Variants in MS4A4E observed in about 807,000 individuals in gnomAD.
MS4A4E encodes the protein putative membrane-spanning 4-domains subfamily A member 4E.
In MS4A4E, 23 loss-of-function variants were observed where a neutral mutation model predicts 13.3. The observed-to-expected ratio is 1.73, with a 90% CI of 1.25 to 2.45. The LOEUF (loss-of-function observed/expected upper bound fraction) is 2.45, where lower values mean the gene tolerates loss of function less well. Among genes scored for constraint, MS4A4E ranks in the 30% most tolerant of loss-of-function variants. The pLI, the probability that MS4A4E is intolerant of heterozygous loss-of-function variation, is 0.00. For synonymous variants in MS4A4E, 36 were observed against 45.6 expected, an observed-to-expected ratio of 0.79 and a Z score of 0.85; for missense variants, 144 against 131.2, an observed-to-expected ratio of 1.10 and a Z score of -0.48.
intron 5 of MS4A4E, chr11:60,209,243 T>C (rs1238702445): frequency 6.6e-6 from 1 of 152,212 alleles, no homozygotes; most frequent in Non-Finnish European, 1.5e-5. Flanking sequence ...TCCTGGATTA[T>C]TCAGGTGGGT....
In MS4A4E at chr11:60,200,947, G is replaced by T. The variant is rs1246543045; in HGVS notation, c.*596C>A. ...GACCCCTCCACCTCCCTCCCGGACGGGGCGGCTGGCCGGGTGGGGGGCTGA... is the reference window on the plus strand; with the variant it reads ...GACCCCTCCACCTCCCTCCCGGACGTGGCGGCTGGCCGGGTGGGGGGCTGA... On this transcript the variant is annotated 3_prime_UTR_variant, in exon 9 of 9. Transcript: ENST00000651255. Among the ~76,000 whole-genome samples, 23 of 147,866 alleles carry T rather than the reference G, an allele frequency of 1.6e-4. No homozygotes were observed. The highest frequency in any genetic ancestry group is 3.0e-4 in the Non-Finnish European group (20 of 66,510).
At chr11:60,229,405 T>G (rs1590724067) in intron 2 of MS4A4E, among the ~76,000 whole-genome samples, 2 of 152,342 alleles carry the variant, frequency 1.3e-5, no homozygotes, top group Admixed American at 1.3e-4. Flanking sequence ...CTATATTTAA[T>G]GTTCTTTCAC....
intron 3 of MS4A4E, among the ~76,000 whole-genome samples, chr11:60,220,375 G>A (rs925301082): frequency 5.9e-5 from 9 of 152,160 alleles, no homozygotes; most frequent in Admixed American, 5.2e-4. Flanking sequence ...TTTGGTAAAT[G>A]CCTTTTTCTC....
intron 7 of MS4A4E, among the ~76,000 whole-genome samples, 127 bp from the exon 8 acceptor site, chr11:60,205,085 G>A (rs1182779508): frequency 2.0e-5 from 3 of 152,012 alleles, no homozygotes; most frequent in African/African-American, 7.2e-5. Flanking sequence ...CCTATATACT[G>A]AGTTGGAAAA....
chr11:60,213,993 C>T (rs1342138347), intron 4 of MS4A4E, among the ~76,000 whole-genome samples: 3 of 152,068 alleles, frequency 2.0e-5, no homozygotes, highest in African/African-American at 7.2e-5. Context: ...CAACCTCCGC[C>T]TCCAGGGTTC....
At chr11:60,228,741 A>G (rs1247096294) in intron 2 of MS4A4E, 114 bp from the exon 3 acceptor site, 2 of 506,744 alleles carry the variant, frequency 3.9e-6, no homozygotes, top group South Asian at 3.8e-5. Flanking sequence ...TAGACAATGA[A>G]ATATTATTCA....
At chr11:60,203,054 T>C (rs972738547) in intron 8 of MS4A4E, among the ~76,000 whole-genome samples, 3 of 152,206 alleles carry the variant, frequency 2.0e-5, no homozygotes, top group African/African-American at 7.2e-5. Context: ...ACATTACTCT[T>C]ATACTTAGTA....
intron 6 of MS4A4E, chr11:60,206,589 G>A (rs1346703455): frequency 6.3e-6 from 1 of 159,538 alleles, no homozygotes; most frequent in Non-Finnish European, 1.4e-5. Context: ...TATTGGAGTT[G>A]GATTCTGGTA....
rs1276389236 is a variant in MS4A4E at position 60,228,566 on chromosome 11, T to C, written c.178+28A>G. 3 of 668,678 alleles carry C rather than the reference T, an allele frequency of 4.5e-6. No individual in the cohort carries two copies. In the Admixed American group the frequency reaches 6.6e-5, roughly 15 times the overall value. The allele number at this position is 668,678 out of a possible 1,614,324, so 41.4% of individuals were successfully genotyped here. A position where few individuals can be genotyped will look rare whatever the true frequency, so the allele number is the denominator to read the frequency against. On this transcript the variant is annotated intron_variant, in intron 3 of 8. Transcript: ENST00000651255. Reference sequence around the variant, plus strand: ...TTTCTTACAAAACTAAACATACTCTTACAATACAATATAGTAATCATACTT... The same window carrying C: ...TTTCTTACAAAACTAAACATACTCTCACAATACAATATAGTAATCATACTT...
intron 1 of MS4A4E, 43 bp downstream of exon 1, chr11:60,242,915 A>G (rs2084568426): frequency 5.6e-6 from 8 of 1,429,648 alleles, no homozygotes; most frequent in Non-Finnish European, 4.8e-6. Context: ...AATGAAACAA[A>G]CTATCAGTCC....
intron 3 of MS4A4E, among the ~76,000 whole-genome samples, chr11:60,217,847 A>T (rs2084216162): frequency 6.6e-6 from 1 of 152,190 alleles, no homozygotes; most frequent in Non-Finnish European, 1.5e-5. Flanking sequence ...TAACTGCACA[A>T]ATTGTACAGC....
intron 2 of MS4A4E, among the ~76,000 whole-genome samples, chr11:60,229,437 T>C (rs545851990): frequency 1.3e-5 from 2 of 152,312 alleles, no homozygotes; most frequent in East Asian, 3.9e-4. Flanking sequence ...TGTCACTGTT[T>C]TAATTCTATA....
chr11:60,232,458 C>T (rs934168087), intron 1 of MS4A4E, among the ~76,000 whole-genome samples: 1 of 152,190 alleles, frequency 6.6e-6, no homozygotes, highest in Non-Finnish European at 1.5e-5. Context: ...AAACACCTTT[C>T]TTCCATCACC....
chr11:60,230,176 C>T, intron 1 of MS4A4E, 105 bp from the exon 2 acceptor site: 2 of 1,238,944 alleles, frequency 1.6e-6, no homozygotes, highest in East Asian at 2.6e-5. Context: ...GGTCTACATT[C>T]CCCTCCAATA....
At chr11:60,231,387 T>A (rs964360100) in intron 1 of MS4A4E, among the ~76,000 whole-genome samples, 1 of 152,014 alleles carries the variant, frequency 6.6e-6, no homozygotes, top group Non-Finnish European at 1.5e-5. Flanking sequence ...AATGTAAGAA[T>A]GTAACCAAAA....
chr11:60,225,429 A>C (rs926693323), intron 3 of MS4A4E, among the ~76,000 whole-genome samples: 9 of 152,198 alleles, frequency 5.9e-5, no homozygotes, highest in African/African-American at 2.2e-4. Flanking sequence ...AAGGAATTAG[A>C]AAGCAATTAT....
At chr11:60,236,786 G>C (rs1454623648) in intron 1 of MS4A4E, among the ~76,000 whole-genome samples, 1 of 151,280 alleles carries the variant, frequency 6.6e-6, no homozygotes, top group Admixed American at 6.6e-5. Context: ...ACCCAGGCTG[G>C]AGTGCAGTGG....
intron 1 of MS4A4E, among the ~76,000 whole-genome samples, chr11:60,239,665 A>T (rs1451635797): frequency 6.6e-6 from 1 of 152,214 alleles, no homozygotes; most frequent in African/African-American, 2.4e-5. Context: ...GACTATGTAG[A>T]GGTGGGCCAA....
intron 3 of MS4A4E, among the ~76,000 whole-genome samples, chr11:60,226,880 A>C (rs2084350777): frequency 6.6e-6 from 1 of 152,202 alleles, no homozygotes; most frequent in East Asian, 1.9e-4. Context: ...TCTGTGTAGA[A>C]TATCTGAAAG....
Sources: gnomAD v4.1 joint callset for allele counts (sites outside exome capture counted in the v4.1 genomes callset) on GRCh38, gnomAD v4.1.1 for gene constraint, MANE v1.5 for transcripts, NCBI Gene and HGNC (gene_info 2026-07-23, HGNC 2026-07-21) for gene names.